Variants in ALDH1A2 observed in about 807,000 individuals in gnomAD.
ALDH1A2 encodes retinal dehydrogenase 2.
In ALDH1A2, 27 loss-of-function variants were observed where a neutral mutation model predicts 60.3. The observed-to-expected ratio is 0.45, with a 90% confidence interval of 0.33 to 0.62. The LOEUF (loss-of-function observed/expected upper bound fraction) is 0.62. Ranked by LOEUF, ALDH1A2 falls within the 20% of genes least tolerant of loss-of-function variation. The pLI, the probability that ALDH1A2 is intolerant of heterozygous loss-of-function variation, is 0.02. For missense variants in ALDH1A2, 581 were observed against 643.8 expected, an observed-to-expected ratio of 0.90 and a Z score of 1.06; for synonymous variants, 289 against 232.4, an observed-to-expected ratio of 1.24 and a Z score of -2.21.
At chr15:57,996,792 T>C (rs1595653012) in intron 4 of ALDH1A2, among the ~76,000 whole-genome samples, 1 of 152,144 alleles carries the variant, frequency 6.6e-6, no homozygotes, top group Admixed American at 6.6e-5. Flanking sequence ...AACACGCTAT[T>C]TTTCCTACTC....
rs772060439 is a variant in ALDH1A2, at chr15:58,014,244, C to T, written c.155G>A (p.Gly52Glu). 2.2e-5 allele frequency: 36 copies of T among 1,613,952 alleles called. No homozygotes were observed. The highest frequency in any genetic ancestry group is 1.6e-4 in the Middle Eastern group (1 of 6,082). ...INNEWQNSESGRVFPVYNPAT... is the reference protein window; with the variant it reads ...INNEWQNSESERVFPVYNPAT... ...TGGATTATAGACAGGGAACACTCTC[C>T]CACTCTCTGAGTTCTGCCACTCGTT... The change falls in exon 2 of 13, where the codon GGG becomes GAG. Residue 52 changes from glycine to glutamate, a missense_variant. Coordinates refer to ENST00000249750, the MANE Select transcript of ALDH1A2 (RefSeq NM_003888.4).
intron 5 of ALDH1A2, among the ~76,000 whole-genome samples, chr15:57,994,500 G>C (rs572727991): frequency 6.6e-6 from 1 of 152,138 alleles, no homozygotes; most frequent in African/African-American, 2.4e-5. Context: ...GTGTATGAGA[G>C]ACAGACAGGA....
rs1211900433 is a variant in ALDH1A2 at position 57,954,612 on chromosome 15, C to T, written c.*585G>A. 2.4e-5 allele frequency: 4 copies of T among 168,998 alleles called. No individual in the cohort carries two copies. Among genetic ancestry groups the T allele is most frequent in the African/African-American group, 9.6e-5 (4 of 41,884 alleles). The allele number at this position is 168,998 out of a possible 1,614,324, so 10.5% of individuals were successfully genotyped here. On this transcript the variant is annotated 3_prime_UTR_variant, in exon 13 of 13. Transcript: ENST00000249750. ...AGGTTCTTACTACATCTGTAGTGTA[C>T]CAGCTCCTGGCATTTTCATTCTGGT...
chr15:58,001,597 C>T (rs931092582), intron 4 of ALDH1A2, among the ~76,000 whole-genome samples: 1 of 151,872 alleles, frequency 6.6e-6, no homozygotes, highest in Non-Finnish European at 1.5e-5. Context: ...ATAATGAGTA[C>T]TCTTCTCTGC....
chr15:57,965,333 C>T (rs780310439), intron 8 of ALDH1A2, among the ~76,000 whole-genome samples: 1 of 152,134 alleles, frequency 6.6e-6, no homozygotes, highest in Non-Finnish European at 1.5e-5. Flanking sequence ...CTGGTCAAGT[C>T]GGATTTATTT....
intron 7 of ALDH1A2, among the ~76,000 whole-genome samples, chr15:57,967,617 A>T (rs1328532349): frequency 2.0e-5 from 3 of 152,194 alleles, no homozygotes; most frequent in Admixed American, 6.5e-5. Flanking sequence ...TTGAAAATGT[A>T]TCCCCATCCT....
chr15:57,958,465 C>G (rs1325229705), intron 12 of ALDH1A2, among the ~76,000 whole-genome samples: 1 of 152,132 alleles, frequency 6.6e-6, no homozygotes, highest in Admixed American at 6.5e-5. Flanking sequence ...GAGAAAAGCT[C>G]GTCTCTGAGC....
At chr15:57,981,996 G>A (rs1217236282) in intron 7 of ALDH1A2, among the ~76,000 whole-genome samples, 2 of 152,174 alleles carry the variant, frequency 1.3e-5, no homozygotes, top group South Asian at 2.1e-4. Flanking sequence ...AGATGGAAGA[G>A]CAAGAGACGA....
chr15:58,033,082 G>T (rs1350031041), intron 1 of ALDH1A2, among the ~76,000 whole-genome samples: 1 of 151,896 alleles, frequency 6.6e-6, no homozygotes, highest in Non-Finnish European at 1.5e-5. Flanking sequence ...AAGATAGAAG[G>T]AATAAATTCA....
intron 1 of ALDH1A2, among the ~76,000 whole-genome samples, chr15:58,017,953 A>C (rs1378721358): frequency 6.6e-6 from 1 of 152,316 alleles, no homozygotes; most frequent in South Asian, 2.1e-4. Context: ...CACTTAAAAA[A>C]TTATATGGAC....
intron 1 of ALDH1A2, among the ~76,000 whole-genome samples, chr15:58,054,330 G>C (rs1414650999): frequency 3.9e-5 from 6 of 152,162 alleles, no homozygotes; most frequent in Admixed American, 6.5e-5. Flanking sequence ...GAGATTGCAA[G>C]ATCTGGCTTA....
intron 7 of ALDH1A2, among the ~76,000 whole-genome samples, chr15:57,988,314 A>C (rs1366635580): frequency 6.6e-6 from 1 of 152,216 alleles, no homozygotes; most frequent in African/African-American, 2.4e-5. Flanking sequence ...CAAACACTTT[A>C]AAAAGAGGTA....
At position 58,065,520 on chromosome 15, in the gene ALDH1A2, G is replaced by A. The variant is rs762183193; in HGVS notation, c.117+14C>T. 5 of 1,599,734 alleles carry A rather than the reference G, an allele frequency of 3.1e-6. No homozygotes were observed. The African/African-American group carries it at 4.0e-5, about 13-fold the overall frequency. ...AAAGTCTCCGTGGACGACGGGCGCT[G>A]GGCGGCCGCTTACCTTGGTGTACTT... On this transcript the variant is annotated intron_variant, in intron 1 of 12. Coordinates refer to ENST00000249750, the MANE Select transcript of ALDH1A2 (RefSeq NM_003888.4).
intron 5 of ALDH1A2, 68 bp downstream of exon 5, chr15:57,995,010 G>A (rs1055011612): frequency 6.5e-5 from 93 of 1,432,440 alleles, no homozygotes; most frequent in Non-Finnish European, 8.6e-5. Context: ...TGAGGACCAT[G>A]TTTTATGTGT....
At chr15:57,977,597 T>G (rs570285356) in intron 7 of ALDH1A2, among the ~76,000 whole-genome samples, 41 of 152,360 alleles carry the variant, frequency 2.7e-4, no homozygotes. Flanking sequence ...ACCAGTACCA[T>G]GCTGTTTTTG....
intron 4 of ALDH1A2, among the ~76,000 whole-genome samples, chr15:57,996,941 A>G (rs1367022317): frequency 1.3e-5 from 2 of 151,908 alleles, no homozygotes; most frequent in Non-Finnish European, 2.9e-5. Context: ...CTATTGGGTT[A>G]TTCTTTTTAG....
At chr15:58,019,185 T>A (rs1895858000) in intron 1 of ALDH1A2, among the ~76,000 whole-genome samples, 5 of 152,156 alleles carry the variant, frequency 3.3e-5, no homozygotes, top group Admixed American at 6.5e-5. Context: ...CAGTGTCATC[T>A]TTCAGTGCCT....
intron 7 of ALDH1A2, among the ~76,000 whole-genome samples, chr15:57,971,426 C>T (rs1340289356): frequency 1.3e-5 from 2 of 152,114 alleles, no homozygotes; most frequent in Non-Finnish European, 2.9e-5. Context: ...AAAAAATATG[C>T]ATATGTACAC....
chr15:57,961,314 C>G lies in ALDH1A2; in HGVS notation c.1252-20G>C. ...AAAGATCTGCAAAAAGATAATATGACTCAACATGGTTGCTCTGTCATTCCT... is the reference window on the plus strand; with the variant it reads ...AAAGATCTGCAAAAAGATAATATGAGTCAACATGGTTGCTCTGTCATTCCT... On this transcript the variant is annotated intron_variant, in intron 10 of 12. Coordinates refer to ENST00000249750, the MANE Select transcript of ALDH1A2 (RefSeq NM_003888.4). 1.9e-6 allele frequency: 3 copies of G among 1,612,608 alleles called. No individual in the cohort carries two copies. The highest frequency in any genetic ancestry group is 2.5e-6 in the Non-Finnish European group (3 of 1,179,832).
Sources: allele counts gnomAD v4.1 joint callset (sites outside exome capture counted in the v4.1 genomes callset), GRCh38; gene constraint gnomAD v4.1.1; transcripts MANE v1.5; gene names NCBI Gene and HGNC (gene_info 2026-07-23, HGNC 2026-07-21).